AK9: variants seen among roughly 807,000 people sequenced by gnomAD.
The protein encoded by AK9 is adenylate kinase 9, also known as adenylate kinase domain containing 1.
In AK9, 191 loss-of-function variants were observed where a neutral mutation model predicts 239.6. The observed-to-expected ratio is 0.80, with a 90% CI of 0.71 to 0.90. The LOEUF is 0.90. AK9 is among the 40% of genes least tolerant of loss of function. AK9 has a pLI of 0.00. For missense variants in AK9, 1,995 were observed against 2,214.7 expected, an observed-to-expected ratio of 0.90 and a Z score of 1.99; for synonymous variants, 689 against 721.0, an observed-to-expected ratio of 0.96 and a Z score of 0.71.
chr6:109,510,318 AGGAGTACCCTCTCTGTTGACAGT>A (rs1259987892), intron 32 of AK9, among the ~76,000 whole-genome samples: 1 of 152,160 alleles, frequency 6.6e-6, no homozygotes, highest in Non-Finnish European at 1.5e-5. Context: ...AGCTGCAGAA[AGGAGTACCCTCTCTGTTGACAGT>A]GGAGTACCCT....
At chr6:109,644,385 T>C (rs951225904) in intron 9 of AK9, 18 of 392,106 alleles carry the variant, frequency 4.6e-5, no homozygotes, top group African/African-American at 3.8e-4. Context: ...TGCTTTTACT[T>C]TTCTTTGAGA....
chr6:109,526,402 G>T (rs750202981), intron 29 of AK9, among the ~76,000 whole-genome samples: 1 of 151,994 alleles, frequency 6.6e-6, no homozygotes, highest in Admixed American at 6.6e-5. Context: ...AAGGAAGGCC[G>T]GAAAAGGGGA....
intron 5 of AK9, among the ~76,000 whole-genome samples, chr6:109,665,758 T>TCCTTGCC (rs923094477): frequency 6.6e-6 from 1 of 152,186 alleles, no homozygotes; most frequent in African/African-American, 2.4e-5. Flanking sequence ...ATCTCCAGAG[T>TCCTTGCC]CCTTGCCCTT....
intron 13 of AK9, among the ~76,000 whole-genome samples, chr6:109,616,022 G>T (rs1009959635): frequency 6.6e-6 from 1 of 152,128 alleles, no homozygotes; most frequent in Admixed American, 6.5e-5. Flanking sequence ...GATCACTTGA[G>T]GCCAGGAGTT....
intron 12 of AK9, among the ~76,000 whole-genome samples, chr6:109,624,687 G>A (rs557542768): frequency 1.3e-5 from 2 of 152,222 alleles, no homozygotes; most frequent in Non-Finnish European, 2.9e-5. Context: ...GTCCCTTCGT[G>A]TAGGTCTTTC....
At chr6:109,575,170 A>G (rs550139973) in intron 20 of AK9, among the ~76,000 whole-genome samples, 4 of 152,202 alleles carry the variant, frequency 2.6e-5, no homozygotes, top group Admixed American at 1.3e-4. Context: ...TCAAACAATG[A>G]TTTCTTTTCC....
At chr6:109,627,853 T>C (rs532310659) in intron 12 of AK9, among the ~76,000 whole-genome samples, 2 of 152,326 alleles carry the variant, frequency 1.3e-5, no homozygotes, top group African/African-American at 2.4e-5. Flanking sequence ...TTTTACCATG[T>C]TGGCCAAACT....
intron 28 of AK9, among the ~76,000 whole-genome samples, chr6:109,530,634 T>C (rs1781107210): frequency 6.6e-6 from 1 of 152,148 alleles, no homozygotes; most frequent in South Asian, 2.1e-4. Flanking sequence ...AAATAGTCAG[T>C]GAGGTTTAAC....
intron 17 of AK9, among the ~76,000 whole-genome samples, chr6:109,603,272 G>T (rs559856278): frequency 6.6e-6 from 1 of 152,158 alleles, no homozygotes; most frequent in Non-Finnish European, 1.5e-5. Context: ...CTTTCTGTTT[G>T]TTAGTTTTCC....
intron 21 of AK9, 136 bp downstream of exon 21, chr6:109,573,306 A>G: frequency 1.1e-6 from 1 of 936,754 alleles, no homozygotes. Context: ...TTTGGACTCA[A>G]TGGCTGCTCT....
chr6:109,637,635 G>T (rs1796889622), intron 10 of AK9, among the ~76,000 whole-genome samples: 1 of 152,022 alleles, frequency 6.6e-6, no homozygotes, highest in South Asian at 2.1e-4. Context: ...GTTTTAACTG[G>T]CCTGGGCATT....
intron 27 of AK9, among the ~76,000 whole-genome samples, chr6:109,540,419 C>A (rs1432470828): frequency 6.6e-6 from 1 of 152,188 alleles, no homozygotes; most frequent in African/African-American, 2.4e-5. Context: ...AGGATACAAT[C>A]TCCTGGTGTG....
intron 17 of AK9, among the ~76,000 whole-genome samples, chr6:109,608,116 A>G (rs995174742): frequency 1.3e-5 from 2 of 151,804 alleles, no homozygotes; most frequent in Non-Finnish European, 2.9e-5. Flanking sequence ...TCTTTACTAA[A>G]AAAATACAAA....
Position 109,632,968 on chromosome 6 carries a change from C to T in AK9, c.1209G>A (p.Gly403=), listed in dbSNP as rs1477310970. The T allele has an allele frequency of 1.2e-6, 2 of 1,612,966 alleles. No homozygotes were observed. Among genetic ancestry groups the T allele is most frequent in the Non-Finnish European group, 1.7e-6 (2 of 1,179,714 alleles). ...CAAGCATATTGCAAAGTGTTGTTTT[C>T]CCTGAATATTGAGGTCCAAGTATGA... is the stretch of plus-strand genomic sequence containing the variant. The part of the protein sequence containing the change: ...KVFILGPQYS[G]KTTLCNMLAE... The change falls in exon 12 of 41, where the codon GGG becomes GGA. Residue 403 remains glycine, a synonymous_variant. Coordinates refer to ENST00000424296, the MANE Select transcript of AK9 (RefSeq NM_001145128.3).
chr6:109,650,381 A>C (rs1798747012), intron 8 of AK9, among the ~76,000 whole-genome samples: 1 of 152,064 alleles, frequency 6.6e-6, no homozygotes, highest in African/African-American at 2.4e-5. Flanking sequence ...ACTCAAATAA[A>C]TTTACAAGAA....
chr6:109,595,436 A>G (rs1286109299), intron 17 of AK9, among the ~76,000 whole-genome samples: 1 of 152,198 alleles, frequency 6.6e-6, no homozygotes, highest in African/African-American at 2.4e-5. Context: ...TGTGGAAGAC[A>G]GTGTGGTGAT....
At chr6:109,627,738 C>T (rs1795710590) in intron 12 of AK9, among the ~76,000 whole-genome samples, 1 of 152,130 alleles carries the variant, frequency 6.6e-6, no homozygotes, top group Non-Finnish European at 1.5e-5. Context: ...TCACTGCAAC[C>T]TCCACCTCCT....
At chr6:109,603,493 C>T (rs1792369988) in intron 17 of AK9, among the ~76,000 whole-genome samples, 2 of 152,080 alleles carry the variant, frequency 1.3e-5, no homozygotes, top group African/African-American at 2.4e-5. Flanking sequence ...CTGGGGGGTG[C>T]CTCCCAGTTA....
intron 20 of AK9, among the ~76,000 whole-genome samples, chr6:109,575,291 C>A (rs1787920229): frequency 6.6e-6 from 1 of 152,162 alleles, no homozygotes. Flanking sequence ...TTTACATTCC[C>A]ACAAGCAGTG....
Sources: allele counts gnomAD v4.1 joint callset (sites outside exome capture counted in the v4.1 genomes callset), GRCh38; gene constraint gnomAD v4.1.1; transcripts MANE v1.5; gene names NCBI Gene and HGNC (gene_info 2026-07-23, HGNC 2026-07-21).